Variants in TACC2 observed in about 807,000 individuals in gnomAD.
TACC2 encodes the protein transforming acidic coiled-coil-containing protein 2.
Under a neutral mutation model 227.3 loss-of-function variants are expected in TACC2, and 137 were observed. The ratio of observed to expected loss-of-function variants is 0.60; its 90% CI spans 0.52 to 0.69. The LOEUF is 0.69. TACC2 is among the 30% of genes least tolerant of loss of function. TACC2 has a pLI of 0.00. For synonymous variants in TACC2, 1,523 were observed against 1,487.5 expected (o/e 1.02, Z -0.55); for missense variants, 3,470 against 3,694.4 (o/e 0.94, Z 1.57).
intron 3 of TACC2, among the ~76,000 whole-genome samples, chr10:122,062,458 C>T (rs904153445): frequency 6.9e-6 from 1 of 145,278 alleles, no homozygotes; most frequent in Non-Finnish European, 1.5e-5. Flanking sequence ...CATGCGCCAC[C>T]ACGTCCGGCT....
intron 5 of TACC2, among the ~76,000 whole-genome samples, chr10:122,090,897 A>G (rs2080742598): frequency 6.6e-6 from 1 of 152,080 alleles, no homozygotes; most frequent in Non-Finnish European, 1.5e-5. Context: ...GTGCACCACC[A>G]TGCTCAGCTT....
chr10:122,203,279 G>A (rs997302687), intron 8 of TACC2, among the ~76,000 whole-genome samples: 5 of 141,082 alleles, frequency 3.5e-5, no homozygotes, highest in African/African-American at 1.2e-4. Flanking sequence ...GCGGCTGGCC[G>A]GGCAGAGGGG....
At chr10:122,251,200 T>C (rs1394636841) in intron 22 of TACC2, among the ~76,000 whole-genome samples, 1 of 152,156 alleles carries the variant, frequency 6.6e-6, no homozygotes, top group African/African-American at 2.4e-5. Context: ...GCTGGGATTA[T>C]AGGTGTGACA....
intron 1 of TACC2, among the ~76,000 whole-genome samples, chr10:121,998,914 C>T (rs1381837870): frequency 1.3e-5 from 2 of 152,176 alleles, no homozygotes; most frequent in Admixed American, 6.6e-5. Flanking sequence ...AGACTTCAGC[C>T]TGAAACATGT....
chr10:122,212,644 T>C (rs2095319553), intron 9 of TACC2, among the ~76,000 whole-genome samples: 1 of 152,202 alleles, frequency 6.6e-6, no homozygotes, highest in South Asian at 2.1e-4. Context: ...TGGGTCTGCC[T>C]GGCACGAAAG....
intron 2 of TACC2, among the ~76,000 whole-genome samples, chr10:122,047,235 T>A (rs1235698101): frequency 8.2e-6 from 1 of 122,538 alleles, no homozygotes; most frequent in Non-Finnish European, 1.6e-5. Context: ...GTTGCAGCGA[T>A]CCGAGATGGT....
chr10:122,199,137 G>A (rs372514665), intron 8 of TACC2, among the ~76,000 whole-genome samples: 6 of 152,230 alleles, frequency 3.9e-5, no homozygotes, highest in East Asian at 3.9e-4. Flanking sequence ...TGTGCCCTGC[G>A]TGCCTATACC....
chr10:122,158,850 C>T (rs76834025), intron 7 of TACC2, among the ~76,000 whole-genome samples: 5,801 of 152,302 alleles, frequency 0.038, 152 homozygotes, highest in Non-Finnish European at 0.061. Flanking sequence ...TCTGCCTTTT[C>T]TCTATTCATC....
intron 5 of TACC2, among the ~76,000 whole-genome samples, chr10:122,095,292 G>A (rs1395925054): frequency 6.6e-6 from 1 of 152,230 alleles, no homozygotes. Context: ...GGCCTCAAGA[G>A]TTGACAGGGC....
chr10:121,995,813 G>A (rs1953397755), intron 1 of TACC2, among the ~76,000 whole-genome samples: 1 of 152,126 alleles, frequency 6.6e-6, no homozygotes, highest in South Asian at 2.1e-4. Context: ...GAGTGCAGTG[G>A]CGCAATCTTG....
intron 8 of TACC2, among the ~76,000 whole-genome samples, chr10:122,200,426 T>C (rs1408760660): frequency 3.7e-5 from 5 of 136,132 alleles, no homozygotes; most frequent in African/African-American, 1.5e-4. Context: ...ACAGTGGCTG[T>C]GTTCACATGG....
At chr10:122,120,770 T>C (rs1012633214) in intron 5 of TACC2, among the ~76,000 whole-genome samples, 1 of 151,994 alleles carries the variant, frequency 6.6e-6, no homozygotes, top group African/African-American at 2.4e-5. Context: ...TTTCTTTCTT[T>C]TTTTTTTTGA....
At chr10:122,032,491 G>A (rs1959105284) in intron 2 of TACC2, among the ~76,000 whole-genome samples, 1 of 152,168 alleles carries the variant, frequency 6.6e-6, no homozygotes, top group Non-Finnish European at 1.5e-5. Flanking sequence ...TAAAGACCAG[G>A]CATTGAGGAG....
rs763989975 is a variant in TACC2 at position 122,229,354 on chromosome 10, C to G, written c.7905C>G (p.Pro2635=). ...TCTCTGCCGGCTTTCAGACAGCTCC[C>G]GAGGGCTCCTTTGCCTCTGCTGACG... ...TPSEAIEITA[P]EGSFASADAL... Residue 2635 remains proline, a synonymous_variant, in exon 15 of 23, where the codon CCC becomes CCG. Coordinates refer to ENST00000369005, the MANE Select transcript of TACC2 (RefSeq NM_206862.4). The G allele has an allele frequency of 2.0e-5, 33 of 1,614,016 alleles. No individual in the cohort carries two copies. In the Admixed American group the frequency reaches 5.3e-4, roughly 26 times the overall value.
chr10:122,109,528 T>C (rs2083341187), intron 5 of TACC2, among the ~76,000 whole-genome samples: 2 of 152,212 alleles, frequency 1.3e-5, no homozygotes, highest in South Asian at 4.1e-4. Context: ...GATATTTTCA[T>C]GTCATAGATG....
At chr10:122,164,827 A>C (rs188329340) in intron 7 of TACC2, among the ~76,000 whole-genome samples, 320 of 152,254 alleles carry the variant, frequency 2.1e-3, no homozygotes, top group African/African-American at 6.8e-3. Flanking sequence ...TATGTTTCAG[A>C]GAAGAGTATT....
At chr10:122,089,784 G>A (rs879503031) in intron 5 of TACC2, among the ~76,000 whole-genome samples, 26 of 151,808 alleles carry the variant, frequency 1.7e-4, no homozygotes, top group Non-Finnish European at 3.1e-4. Context: ...AAGAATGCAC[G>A]ATCACCTGTT....
chr10:122,210,569 C>G lies in TACC2; in HGVS notation c.6144C>G (p.Thr2048=). Residue 2048 remains threonine, a synonymous_variant, in exon 9 of 23, where the codon ACC becomes ACG. Coordinates refer to ENST00000369005, the MANE Select transcript of TACC2 (RefSeq NM_206862.4). The surrounding 1 kb of genome is among the most constrained non-coding windows in gnomAD (Gnocchi z 4.6). ...TTGACAACATTGAGCTTGTGGATAC[C>G]TTTCAGACCTTGGAGCCTCGTGCCT... ...LDFDNIELVD[T]FQTLEPRASD... 1 of 1,614,122 alleles carries G rather than the reference C, an allele frequency of 6.2e-7. No homozygotes were observed. The highest frequency in any genetic ancestry group is 8.5e-7 in the Non-Finnish European group (1 of 1,180,040).
rs2095242268 is a variant in TACC2, at chr10:122,209,715, T to A, written c.5972-682T>A. ...GTTTGTTTGTTTTTGAGACAGAGTC[T>A]CACTCACTCTGTCACCCAGGCTAGA... On this transcript the variant is annotated intron_variant, in intron 8 of 22. Coordinates refer to ENST00000369005, the MANE Select transcript of TACC2 (RefSeq NM_206862.4). The surrounding 1 kb of genome is among the most constrained non-coding windows in gnomAD (Gnocchi z 4.5). 6.6e-6 allele frequency among the ~76,000 whole-genome samples: 1 copy of A among 152,140 alleles called. No homozygotes were observed.
Sources: allele counts gnomAD v4.1 joint callset (sites outside exome capture counted in the v4.1 genomes callset), GRCh38; gene constraint gnomAD v4.1.1; non-coding constraint Gnocchi (gnomAD v3.1); transcripts MANE v1.5; gene names NCBI Gene and HGNC (gene_info 2026-07-23, HGNC 2026-07-21).